The following IARS2 variants were observed in gnomAD, a reference collection of about 807,000 sequenced individuals.
IARS2 encodes the protein isoleucyl-tRNA synthetase 2, mitochondrial.
In IARS2, 56 loss-of-function variants were observed where a neutral mutation model predicts 126.3. The ratio of observed to expected loss-of-function variants is 0.44; its 90% CI spans 0.36 to 0.55. The LOEUF is 0.55. Ranked by LOEUF, IARS2 falls within the 20% of genes least tolerant of loss-of-function variation. The pLI is 0.00. For missense variants in IARS2, 1,127 were observed against 1,245.9 expected (o/e 0.90, Z 1.44); for synonymous variants, 407 against 441.1 (o/e 0.92, Z 0.97).
At chr1:220,131,262 C>T (rs142916900) in intron 14 of IARS2, among the ~76,000 whole-genome samples, 5,268 of 152,088 alleles carry the variant, frequency 0.035, 164 homozygotes, top group African/African-American at 0.083. Context: ...CTGCAACCTC[C>T]GCCTCCCGAG....
At chr1:220,115,807 T>C (rs1656900976) in intron 12 of IARS2, among the ~76,000 whole-genome samples, 1 of 152,166 alleles carries the variant, frequency 6.6e-6, no homozygotes, top group African/African-American at 2.4e-5. Flanking sequence ...CTGGCTCCTC[T>C]ATAAAATAGG....
At chr1:220,141,654 G>T in intron 19 of IARS2, 149 bp from the exon 20 acceptor site, 1 of 779,304 alleles carries the variant, frequency 1.3e-6, no homozygotes, top group Non-Finnish European at 2.1e-6. Flanking sequence ...GAGTAAAATT[G>T]TAGGAGAGTG....
intron 14 of IARS2, among the ~76,000 whole-genome samples, chr1:220,132,364 C>CTG (rs1657287654): frequency 6.6e-6 from 1 of 151,952 alleles, no homozygotes; most frequent in Non-Finnish European, 1.5e-5. Flanking sequence ...TTACTCCTTA[C>CTG]TGTTCTATTT....
Position 220,147,734 on chromosome 1 carries a change from A to ATGAG in IARS2, c.*102_*105dup. ...AGGAAAGAAAGCCAAGATTTAGGTA[A>ATGAG]TGAGTGGATGAGTAAATGGTGGAGG... On this transcript the variant is annotated 3_prime_UTR_variant, in exon 23 of 23. Transcript: ENST00000366922. 4 of 1,145,308 alleles carry ATGAG rather than the reference A, an allele frequency of 3.5e-6. No individual in the cohort carries two copies. The highest frequency in any genetic ancestry group is 5.0e-6 in the Non-Finnish European group (4 of 795,238). 70.9% of individuals were successfully genotyped at this position (1,145,308 alleles called of 1,614,324 possible).
In IARS2 at chr1:220,094,192, C is replaced by T. The variant is rs756411918; in HGVS notation, c.-25C>T. 71 of 1,530,810 alleles carry T rather than the reference C, an allele frequency of 4.6e-5. No individual in the cohort carries two copies. Among genetic ancestry groups the T allele is most frequent in the African/African-American group, 5.6e-5 (4 of 71,418 alleles). 94.8% of individuals were successfully genotyped at this position (1,530,810 alleles called of 1,614,324 possible). On this transcript the variant is annotated 5_prime_UTR_variant, in exon 1 of 23. Coordinates refer to ENST00000366922, the MANE Select transcript of IARS2 (RefSeq NM_018060.4). The stretch of plus-strand genomic sequence containing the variant: ...TTCAAGCTGGGGCGGGAGCGGAGGA[C>T]CCCGCTCTCAGGGGTTGCCGGACCA...
chr1:220,122,375 T>C (rs901888359), intron 12 of IARS2, among the ~76,000 whole-genome samples: 1 of 152,238 alleles, frequency 6.6e-6, no homozygotes, highest in East Asian at 1.9e-4. Flanking sequence ...ACTTCATCTC[T>C]GATACGTAGT....
intron 2 of IARS2, among the ~76,000 whole-genome samples, chr1:220,099,137 G>A (rs766360279): frequency 1.3e-5 from 2 of 151,564 alleles, no homozygotes; most frequent in Non-Finnish European, 2.9e-5. Context: ...ACTTGAACCT[G>A]GGAGGCAGAG....
chr1:220,140,899 G>A (rs887621202), intron 19 of IARS2, among the ~76,000 whole-genome samples: 3 of 151,206 alleles, frequency 2.0e-5, no homozygotes, highest in African/African-American at 7.3e-5. Context: ...CAGGAGAATG[G>A]CGTGAACCCG....
intron 6 of IARS2, 30 bp downstream of exon 6, chr1:220,102,634 A>G: frequency 6.3e-7 from 1 of 1,584,622 alleles, no homozygotes; most frequent in Non-Finnish European, 8.7e-7. Flanking sequence ...TGAGTGTACC[A>G]AAGTTATAGA....
chr1:220,123,345 C>T (rs1378386196), intron 12 of IARS2, among the ~76,000 whole-genome samples: 1 of 152,096 alleles, frequency 6.6e-6, no homozygotes, highest in Non-Finnish European at 1.5e-5. Context: ...TTTCCTTTCT[C>T]ATTATAAGTT....
intron 11 of IARS2, among the ~76,000 whole-genome samples, chr1:220,111,598 ATGTGTG>A (rs34903707): frequency 5.9e-5 from 8 of 134,836 alleles, no homozygotes; most frequent in East Asian, 2.2e-4. Flanking sequence ...ATATATATAT[ATGTGTG>A]TGTGTGTGTG....
In IARS2 at chr1:220,135,876, A is replaced by T. The variant is rs562919617; in HGVS notation, c.1947-933A>T. Among the ~76,000 whole-genome samples, 22 of 124,030 alleles carry T rather than the reference A, an allele frequency of 1.8e-4. No individual in the cohort carries two copies. In the South Asian group the frequency reaches 5.3e-3, roughly 30 times the overall value. 81.4% of individuals were successfully genotyped at this position (124,030 alleles called of 152,430 possible). On this transcript the variant is annotated intron_variant, in intron 15 of 22. Transcript: ENST00000366922. ...TTCCGCTATCACCACAAGAGGTTTTATAACATTTCCAACACACTAAAAAGT... is the reference window on the plus strand; with the variant it reads ...TTCCGCTATCACCACAAGAGGTTTTTTAACATTTCCAACACACTAAAAAGT...
In IARS2 at chr1:220,094,397, C is replaced by G; in HGVS notation, c.181C>G (p.Arg61Gly). The G allele has an allele frequency of 6.2e-7, 1 of 1,612,234 alleles. No individual in the cohort carries two copies. The highest frequency in any genetic ancestry group is 1.3e-5 in the African/African-American group (1 of 75,002). The stretch of plus-strand genomic sequence containing the variant: ...GCCGAACTCGAATAGTGGCAGATAC[C>G]GGGACACGGTGCTGCTGCCGCAGAC... ...HQPNSNSGRY[R>G]DTVLLPQTSF... is the part of the protein sequence containing the mutation. The change falls in exon 1 of 23, where the codon CGG becomes GGG. Residue 61 changes from arginine (R) to glycine (G), a missense_variant. By Grantham distance (125) the Arg-to-Gly change is moderately radical. Coordinates refer to ENST00000366922, the MANE Select transcript of IARS2 (RefSeq NM_018060.4).
rs549722716 is a variant in IARS2 at position 220,129,884 on chromosome 1, C to G, written c.1837+3041C>G. The stretch of plus-strand genomic sequence containing the variant: ...GCATAAATACCTAGTAGTGGGATTG[C>G]TGGCTTATATGGTAGTTCTGTTTTT... On this transcript the variant is annotated intron_variant, in intron 14 of 22. Transcript: ENST00000366922. Among the ~76,000 whole-genome samples the G allele has an allele frequency of 2.0e-5, 3 of 152,240 alleles. No homozygotes were observed. In the South Asian group the frequency reaches 6.2e-4, roughly 32 times the overall value.
chr1:220,125,538 T>C (rs776463617), intron 13 of IARS2, among the ~76,000 whole-genome samples, 199 bp downstream of exon 13: 2 of 152,210 alleles, frequency 1.3e-5, no homozygotes, highest in Non-Finnish European at 2.9e-5. Context: ...GCGTGATGGC[T>C]CACACCTGTA....
At chr1:220,118,317 A>G (rs1175022289) in intron 12 of IARS2, 1 of 306,366 alleles carries the variant, frequency 3.3e-6, no homozygotes, top group Non-Finnish European at 6.7e-6. Flanking sequence ...TTCACAGAAG[A>G]AAGTCTCGAT....
chr1:220,124,132 T>C (rs190561668), intron 12 of IARS2, among the ~76,000 whole-genome samples: 43 of 152,340 alleles, frequency 2.8e-4, no homozygotes, highest in Non-Finnish European at 4.0e-4. Flanking sequence ...TTATATGTAC[T>C]GTGACTAAAT....
intron 12 of IARS2, chr1:220,118,325 G>A (rs113885162): frequency 3.4e-6 from 1 of 290,538 alleles, no homozygotes; most frequent in South Asian, 3.3e-5. Flanking sequence ...AGAAAGTCTC[G>A]ATTTATTCAT....
intron 21 of IARS2, 53 bp from the exon 22 acceptor site, chr1:220,145,456 A>G (rs1657567447): frequency 6.6e-7 from 1 of 1,521,534 alleles, no homozygotes. Context: ...TTATAACCTC[A>G]GTTTATGGTA....
Sources: gnomAD v4.1 joint callset for allele counts (sites outside exome capture counted in the v4.1 genomes callset) on GRCh38, gnomAD v4.1.1 for gene constraint, MANE v1.5 for transcripts, NCBI Gene and HGNC (gene_info 2026-07-23, HGNC 2026-07-21) for gene names.